Variants in SMARCC1 observed in about 807,000 individuals in gnomAD.
The protein encoded by SMARCC1 is SWI/SNF complex subunit SMARCC1.
SMARCC1 carries 43 observed loss-of-function variants against 147.4 expected under a neutral mutation model. The ratio of observed to expected loss-of-function variants is 0.29; its 90% CI spans 0.23 to 0.38. SMARCC1 has a LOEUF of 0.38. Ranked by LOEUF, SMARCC1 falls within the 10% of genes least tolerant of loss-of-function variation. The pLI is 1.00. For synonymous variants in SMARCC1, 495 were observed against 484.4 expected, an observed-to-expected ratio of 1.02 and a Z score of -0.29; for missense variants, 1,119 against 1,381.1, an observed-to-expected ratio of 0.81 and a Z score of 3.01.
intron 26 of SMARCC1, among the ~76,000 whole-genome samples, chr3:47,606,734 T>G (rs889864346): frequency 2.0e-5 from 3 of 152,326 alleles, no homozygotes; most frequent in Non-Finnish European, 4.4e-5. Context: ...GGTCTCACTC[T>G]GTTGCCCAGG....
At chr3:47,720,613 G>A in intron 7 of SMARCC1, 53 bp downstream of exon 7, 2 of 1,134,368 alleles carry the variant, frequency 1.8e-6, no homozygotes, top group Non-Finnish European at 2.6e-6. Context: ...AAATAAATGT[G>A]CCTTCCTTTC....
At chr3:47,701,934 CA>C (rs1422659171) in intron 10 of SMARCC1, among the ~76,000 whole-genome samples, 2 of 151,782 alleles carry the variant, frequency 1.3e-5, no homozygotes, top group African/African-American at 4.8e-5. Flanking sequence ...AAAAAATGGG[CA>C]AAAAATCCTA....
At chr3:47,736,607 T>C (rs2034447243) in intron 4 of SMARCC1, among the ~76,000 whole-genome samples, 1 of 150,240 alleles carries the variant, frequency 6.7e-6, no homozygotes, top group Non-Finnish European at 1.5e-5. Context: ...ACCCGGGAGG[T>C]TGGAGCTTGC....
chr3:47,602,482 G>T (rs1434509251), intron 26 of SMARCC1, among the ~76,000 whole-genome samples: 1 of 152,038 alleles, frequency 6.6e-6, no homozygotes, highest in Non-Finnish European at 1.5e-5. Context: ...TATTTTTGTA[G>T]AGAGAGGGTT....
At chr3:47,662,645 T>C in intron 19 of SMARCC1, 53 bp from the exon 20 acceptor site, 1 of 1,494,362 alleles carries the variant, frequency 6.7e-7, no homozygotes, top group African/African-American at 1.4e-5. Context: ...AAGTAATGTG[T>C]AATATTAGAA....
At chr3:47,729,899 T>G (rs1328950188) in intron 5 of SMARCC1, among the ~76,000 whole-genome samples, 1 of 152,170 alleles carries the variant, frequency 6.6e-6, no homozygotes, top group Non-Finnish European at 1.5e-5. Context: ...AAAGTTACAT[T>G]TATGGCCAGG....
chr3:47,714,661 G>A (rs2034134200), intron 7 of SMARCC1, among the ~76,000 whole-genome samples, 171 bp from the exon 8 acceptor site: 1 of 152,066 alleles, frequency 6.6e-6, no homozygotes, highest in South Asian at 2.1e-4. Flanking sequence ...GGGCATGGTG[G>A]GATGTGATTG....
At chr3:47,774,141 C>T (rs1199070490) in intron 1 of SMARCC1, among the ~76,000 whole-genome samples, 1 of 151,702 alleles carries the variant, frequency 6.6e-6, no homozygotes, top group African/African-American at 2.4e-5. Flanking sequence ...ACATCAACTG[C>T]AAAGTCTACA....
At chr3:47,682,419 C>T (rs2033664690) in intron 14 of SMARCC1, among the ~76,000 whole-genome samples, 1 of 152,096 alleles carries the variant, frequency 6.6e-6, no homozygotes, top group Admixed American at 6.6e-5. Flanking sequence ...GCCGGGACTA[C>T]AGGCATGTGC....
intron 21 of SMARCC1, among the ~76,000 whole-genome samples, chr3:47,658,049 G>C (rs2033286818): frequency 6.6e-6 from 1 of 151,838 alleles, no homozygotes; most frequent in Admixed American, 6.6e-5. Flanking sequence ...AGAAATTATA[G>C]AACAGAAAAA....
chr3:47,672,137 C>T, intron 18 of SMARCC1, among the ~76,000 whole-genome samples: 1 of 152,068 alleles, frequency 6.6e-6, no homozygotes, highest in Non-Finnish European at 1.5e-5. Context: ...AATTAAACTC[C>T]TACAGTATGG....
intron 3 of SMARCC1, among the ~76,000 whole-genome samples, chr3:47,743,333 A>T (rs1029755907): frequency 2.6e-5 from 4 of 152,248 alleles, no homozygotes; most frequent in African/African-American, 9.6e-5. Flanking sequence ...CACAATCTGC[A>T]TAAAAGACTT....
rs2032089760 is a variant in SMARCC1, at chr3:47,587,432, A to G, written c.*777T>C. ...CAGAAAAACAAAACACTCACCCCCA[A>G]TCCAATGAATCATCTGCATAGAAAA... On this transcript the variant is annotated 3_prime_UTR_variant, in exon 28 of 28. Coordinates refer to ENST00000254480, the MANE Select transcript of SMARCC1 (RefSeq NM_003074.4). 6.6e-6 allele frequency: 1 copy of G among 152,172 alleles called. No homozygotes were observed. Among genetic ancestry groups the G allele is most frequent in the Non-Finnish European group, 1.5e-5 (1 of 68,060 alleles). The allele number at this position is 152,172 out of a possible 1,614,324, so 9.4% of individuals were successfully genotyped here.
In SMARCC1 at chr3:47,765,691, T is replaced by A. The variant is rs574307140; in HGVS notation, c.315+7126A>T. Among the ~76,000 whole-genome samples the A allele has an allele frequency of 3.9e-5, 6 of 152,222 alleles. No homozygotes were observed. In the South Asian group the frequency reaches 1.2e-3, roughly 32 times the overall value. On this transcript the variant is annotated intron_variant, in intron 2 of 27. Coordinates refer to ENST00000254480, the MANE Select transcript of SMARCC1 (RefSeq NM_003074.4). ...TCATACAACAGCAGAGTGAAATCAG[T>A]TCAGGAATATAATATTCTACATTTT...
At chr3:47,716,180 C>T (rs2034153419) in intron 7 of SMARCC1, among the ~76,000 whole-genome samples, 1 of 151,590 alleles carries the variant, frequency 6.6e-6, no homozygotes, top group East Asian at 1.9e-4. Context: ...CTTTGGGAGG[C>T]CAAGGCAGTG....
chr3:47,769,537 C>T (rs1358135599), intron 2 of SMARCC1, among the ~76,000 whole-genome samples: 1 of 151,954 alleles, frequency 6.6e-6, no homozygotes, highest in African/African-American at 2.4e-5. Context: ...AACCATAACA[C>T]TTTTATGTGT....
rs1175175826 is a variant in SMARCC1 at position 47,662,595 on chromosome 3, A to G, written c.1900-3T>C. ...TCATCCTTGTACATCTCCAGGGCCT[A>G]AGACAGAAAAAACAGATGCTTTCAT... On this transcript the variant is annotated splice_region_variant and splice_polypyrimidine_tract_variant and intron_variant, in intron 19 of 27. Transcript: ENST00000254480. The G allele has an allele frequency of 2.5e-6, 4 of 1,612,162 alleles. No homozygotes were observed. The highest frequency in any genetic ancestry group is 3.4e-6 in the Non-Finnish European group (4 of 1,178,742).
At chr3:47,757,784 A>AC (rs920020348) in intron 2 of SMARCC1, among the ~76,000 whole-genome samples, 1 of 60,872 alleles carries the variant, frequency 1.6e-5, no homozygotes, top group Non-Finnish European at 4.0e-5. Flanking sequence ...GCTCCGTATC[A>AC]AAAAAAAAAA....
intron 27 of SMARCC1, 124 bp downstream of exon 27, chr3:47,590,537 C>G: frequency 1.3e-6 from 1 of 757,846 alleles, no homozygotes. Flanking sequence ...TGAGAAGCCA[C>G]TGTCACAGAC....
Sources: gnomAD v4.1 joint callset for allele counts (sites outside exome capture counted in the v4.1 genomes callset) on GRCh38, gnomAD v4.1.1 for gene constraint, MANE v1.5 for transcripts, NCBI Gene and HGNC (gene_info 2026-07-23, HGNC 2026-07-21) for gene names.